The following WDTC1 variants were observed in gnomAD, a reference collection of about 807,000 sequenced individuals.
WDTC1 encodes the protein WD and tetratricopeptide repeats 1, also known as WD and tetratricopeptide repeats protein 1.
WDTC1 carries 12 observed loss-of-function variants against 76.0 expected under a neutral mutation model. The observed-to-expected ratio is 0.16, with a 90% CI of 0.10 to 0.26. The LOEUF is 0.26. Among genes scored for constraint, WDTC1 ranks in the 10% least tolerant of loss-of-function variants. The probability of loss-of-function intolerance (pLI) is 1.00; values close to 1 mark genes in which losing one functional copy is unlikely to be tolerated. For synonymous variants in WDTC1, 326 were observed against 350.8 expected (o/e 0.93, Z 0.79); for missense variants, 511 against 908.8 (o/e 0.56, Z 5.63).
Position 27,307,573 on chromosome 1 carries a change from T to G in WDTC1, c.*1190T>G, listed in dbSNP as rs41291074. The G allele has an allele frequency of 0.016, 2,474 of 152,982 alleles. 31 individuals are homozygous for G. Among genetic ancestry groups the G allele is most frequent in the Middle Eastern group, 0.046 (14 of 302 alleles). The allele number at this position is 152,982 out of a possible 1,614,324, so 9.5% of individuals were successfully genotyped here. ...GCTCCAGCCCTCCAGCTGCAGCCCC[T>G]GGGGAAAAGCAGCCTCCCTTCTCCT... On this transcript the variant is annotated 3_prime_UTR_variant, in exon 16 of 16. Coordinates refer to ENST00000319394, the MANE Select transcript of WDTC1 (RefSeq NM_001276252.2). This position sits in a 1 kb window ranked among gnomAD's most constrained non-coding sequence, Gnocchi z 4.1.
chr1:27,294,784 A>G (rs184324853), intron 9 of WDTC1, among the ~76,000 whole-genome samples, 155 bp downstream of exon 9: 1 of 152,320 alleles, frequency 6.6e-6, no homozygotes, highest in East Asian at 1.9e-4. Flanking sequence ...GCATCATTGG[A>G]GTTCCCAGAG....
chr1:27,260,916 A>G, intron 1 of WDTC1, 40 bp from the exon 2 acceptor site: 1 of 970,168 alleles, frequency 1.0e-6, no homozygotes, highest in South Asian at 1.6e-5. Context: ...GAGTCACTTT[A>G]TTATCCATCC....
Position 27,282,303 on chromosome 1 carries a change from C to T in WDTC1, c.179+18C>T. ...AAAGGAGAGTAAGTATGAGCTAGAG[C>T]ACCTGAAGGGTGCTGGGGAAGGAAG... On this transcript the variant is annotated intron_variant, in intron 4 of 15. Coordinates refer to ENST00000319394, the MANE Select transcript of WDTC1 (RefSeq NM_001276252.2). 6.2e-7 allele frequency: 1 copy of T among 1,613,202 alleles called. No individual in the cohort carries two copies. The highest frequency in any genetic ancestry group is 1.1e-5 in the South Asian group (1 of 91,030).
chr1:27,299,700 C>G (rs1196437698), intron 12 of WDTC1, among the ~76,000 whole-genome samples: 1 of 152,046 alleles, frequency 6.6e-6, no homozygotes, highest in Admixed American at 6.5e-5. Flanking sequence ...ACGTTGGCCT[C>G]GATTCAGTGC....
chr1:27,243,018 A>T (rs550644291), intron 1 of WDTC1, among the ~76,000 whole-genome samples: 1 of 152,164 alleles, frequency 6.6e-6, no homozygotes, highest in South Asian at 2.1e-4. Context: ...TTTCCCAGAA[A>T]CTGTCCTTGT....
At chr1:27,268,176 C>T (rs1375659240) in intron 3 of WDTC1, among the ~76,000 whole-genome samples, 1 of 152,118 alleles carries the variant, frequency 6.6e-6, no homozygotes, top group Non-Finnish European at 1.5e-5. Context: ...CATGGTGGCT[C>T]ACCCCTGTAA....
Position 27,305,373 on chromosome 1 carries a change from C to T in WDTC1, c.1836+180C>T, listed in dbSNP as rs1417628520. On this transcript the variant is annotated intron_variant, in intron 15 of 15. Coordinates refer to ENST00000319394, the MANE Select transcript of WDTC1 (RefSeq NM_001276252.2). The surrounding 1 kb of genome is among the most constrained non-coding windows in gnomAD (Gnocchi z 4.6). ...AGAAGCTCCAAATGCAGCAGCAATT[C>T]TCCAGAAGCTGTGCAGAGGCCCTGG... Among the ~76,000 whole-genome samples the T allele has an allele frequency of 6.6e-6, 1 of 152,204 alleles. No homozygotes were observed. Among genetic ancestry groups the T allele is most frequent in the Non-Finnish European group, 1.5e-5 (1 of 68,036 alleles).
Position 27,243,170 on chromosome 1 carries a change from G to A in WDTC1, c.-100+8219G>A, listed in dbSNP as rs2011683126. 2.0e-5 allele frequency among the ~76,000 whole-genome samples: 3 copies of A among 150,722 alleles called. No individual in the cohort carries two copies. In the South Asian group the frequency reaches 6.3e-4, roughly 32 times the overall value. ...AAATTGTATCAATACTGATATTACA[G>A]GTGTGAGCCGCTGCTCCCTGGCCAG... On this transcript the variant is annotated intron_variant, in intron 1 of 15. Coordinates refer to ENST00000319394, the MANE Select transcript of WDTC1 (RefSeq NM_001276252.2).
intron 3 of WDTC1, among the ~76,000 whole-genome samples, chr1:27,264,053 T>C (rs927535263): frequency 2.0e-5 from 3 of 146,738 alleles, no homozygotes; most frequent in African/African-American, 7.5e-5. Context: ...CTTTGGGAGG[T>C]CAAGGAGGGT....
intron 1 of WDTC1, among the ~76,000 whole-genome samples, chr1:27,253,430 C>CTCCTCCT: frequency 8.7e-6 from 1 of 115,190 alleles, no homozygotes; most frequent in East Asian, 3.0e-4. Flanking sequence ...TCCCTCCTCC[C>CTCCTCCT]TCCTCCTCCT....
rs2013821472 is a variant in WDTC1 at position 27,301,112 on chromosome 1, A to G, written c.1233-114A>G. On this transcript the variant is annotated intron_variant, in intron 12 of 15. Coordinates refer to ENST00000319394, the MANE Select transcript of WDTC1 (RefSeq NM_001276252.2). This position sits in a 1 kb window ranked among gnomAD's most constrained non-coding sequence, Gnocchi z 5.8. ...CTCTTCGTCCTCAAGTCCCCTTGCC[A>G]TGAGATCTGTCAGTGGTGGGCTGGG... is the stretch of plus-strand genomic sequence containing the variant. 1 of 864,048 alleles carries G rather than the reference A, an allele frequency of 1.2e-6. No homozygotes were observed. The allele number at this position is 864,048 out of a possible 1,614,324, so 53.5% of individuals were successfully genotyped here.
At chr1:27,295,398 C>T (rs915531802) in intron 9 of WDTC1, among the ~76,000 whole-genome samples, 27 of 152,020 alleles carry the variant, frequency 1.8e-4, no homozygotes, top group African/African-American at 6.3e-4. Context: ...CTAGGGTAAA[C>T]ATTTGGCTTT....
chr1:27,240,317 A>G (rs529658001), intron 1 of WDTC1, among the ~76,000 whole-genome samples: 1 of 152,328 alleles, frequency 6.6e-6, no homozygotes, highest in African/African-American at 2.4e-5. Context: ...GCTGGAGGTT[A>G]CACAACTAGT....
At chr1:27,263,988 T>C (rs2012574013) in intron 3 of WDTC1, among the ~76,000 whole-genome samples, 1 of 151,172 alleles carries the variant, frequency 6.6e-6, no homozygotes, top group African/African-American at 2.4e-5. Flanking sequence ...GGATGTAGAC[T>C]GAGAATAGGT....
chr1:27,301,537 G>A lies in WDTC1; in HGVS notation c.1468+76G>A. On this transcript the variant is annotated intron_variant, in intron 13 of 15. Transcript: ENST00000319394. The surrounding 1 kb of genome is among the most constrained non-coding windows in gnomAD (Gnocchi z 5.8). ...TGCATGACATTCTGGAGAGGTCATG[G>A]TTCTGGGATTGGAGAGGCCTGGGTT... is the stretch of plus-strand genomic sequence containing the variant. 6.6e-7 allele frequency: 1 copy of A among 1,518,236 alleles called. No individual in the cohort carries two copies. Among genetic ancestry groups the A allele is most frequent in the South Asian group, 1.2e-5 (1 of 86,362 alleles). The allele number at this position is 1,518,236 out of a possible 1,614,324, so 94.0% of individuals were successfully genotyped here.
intron 5 of WDTC1, among the ~76,000 whole-genome samples, chr1:27,284,809 G>A (rs558735882): frequency 6.6e-6 from 1 of 151,846 alleles, no homozygotes; most frequent in South Asian, 2.1e-4. Context: ...CTTTCTTTAG[G>A]TAGTGGAAAC....
intron 3 of WDTC1, among the ~76,000 whole-genome samples, chr1:27,280,610 G>C (rs934633909): frequency 5.3e-5 from 8 of 152,224 alleles, no homozygotes; most frequent in Non-Finnish European, 1.0e-4. Flanking sequence ...TAAGAAGTTA[G>C]AGAGAAGCAC....
chr1:27,304,020 C>T (rs2013894839), intron 14 of WDTC1: 1 of 526,342 alleles, frequency 1.9e-6, no homozygotes, highest in South Asian at 2.5e-5. Context: ...ATAAGATAAC[C>T]CAAGTAGAGC....
intron 6 of WDTC1, among the ~76,000 whole-genome samples, chr1:27,289,653 T>C (rs75283026): frequency 0.13 from 19,543 of 152,114 alleles, 1,328 homozygotes; most frequent in South Asian, 0.18. Context: ...GTGGAGGTTG[T>C]AGCAAGCCGA....
Sources: gnomAD v4.1 joint callset for allele counts (sites outside exome capture counted in the v4.1 genomes callset) on GRCh38, gnomAD v4.1.1 for gene constraint, Gnocchi (gnomAD v3.1) non-coding constraint, MANE v1.5 for transcripts, NCBI Gene and HGNC (gene_info 2026-07-23, HGNC 2026-07-21) for gene names.